PLB1: variants seen among roughly 807,000 people sequenced by gnomAD.
PLB1 encodes phospholipase B1, also known as phospholipase B1, membrane-associated.
A neutral mutation model predicts 227.4 loss-of-function variants in PLB1; 242 were observed. The observed-to-expected ratio is 1.06, with a 90% CI of 0.96 to 1.18. The LOEUF (loss-of-function observed/expected upper bound fraction) is 1.18, where lower values mean the gene tolerates loss of function less well. Ranked by LOEUF, PLB1 falls within the 50% of genes most tolerant of loss-of-function variation. PLB1 has a pLI of 0.00. For missense variants in PLB1, 1,858 were observed against 1,816.3 expected, an observed-to-expected ratio of 1.02 and a Z score of -0.42; for synonymous variants, 757 against 682.2, an observed-to-expected ratio of 1.11 and a Z score of -1.71.
intron 19 of PLB1, among the ~76,000 whole-genome samples, chr2:28,565,757 T>C (rs1676779063): frequency 6.6e-6 from 1 of 152,218 alleles, no homozygotes; most frequent in Non-Finnish European, 1.5e-5. Context: ...CTAACCTCTC[T>C]GAGCTTCTCT....
At chr2:28,636,039 G>GTGTA (rs1204881960) in intron 56 of PLB1, among the ~76,000 whole-genome samples, 2,175 of 91,328 alleles carry the variant, frequency 0.024, 41 homozygotes, top group African/African-American at 0.066. Flanking sequence ...ATGTGTGTGT[G>GTGTA]TGTATGTATG....
At chr2:28,540,142 A>C (rs1361434824) in intron 11 of PLB1, among the ~76,000 whole-genome samples, 2 of 128,006 alleles carry the variant, frequency 1.6e-5, no homozygotes, top group African/African-American at 3.0e-5. Context: ...TCCAATACCC[A>C]CCCCCCAGGA....
chr2:28,528,941 CTTTTT>C (rs201087238), intron 6 of PLB1, among the ~76,000 whole-genome samples: 28 of 109,432 alleles, frequency 2.6e-4, no homozygotes, highest in East Asian at 1.5e-3. Context: ...GGGAGTCAGT[CTTTTT>C]TTTTTTTTTT....
intron 9 of PLB1, among the ~76,000 whole-genome samples, chr2:28,532,536 A>C (rs144683494): frequency 0.014 from 2,132 of 152,324 alleles, 19 homozygotes; most frequent in South Asian, 0.024. Flanking sequence ...TACATATGAC[A>C]TGCATTCATA....
intron 21 of PLB1, among the ~76,000 whole-genome samples, chr2:28,577,625 G>C (rs549121265): frequency 6.6e-6 from 1 of 152,328 alleles, no homozygotes; most frequent in East Asian, 1.9e-4. Context: ...GATGGATCGT[G>C]AGGTCAGGAG....
chr2:28,619,322 G>A (rs1686657280), intron 46 of PLB1, among the ~76,000 whole-genome samples: 1 of 152,048 alleles, frequency 6.6e-6, no homozygotes, highest in Non-Finnish European at 1.5e-5. Context: ...TTTCCATTTT[G>A]GCATGAACAT....
At chr2:28,521,876 C>T (rs1035165175) in intron 4 of PLB1, among the ~76,000 whole-genome samples, 4 of 152,020 alleles carry the variant, frequency 2.6e-5, no homozygotes, top group Non-Finnish European at 5.9e-5. Context: ...CTTTCTCCCC[C>T]AGAGCCTCCC....
At chr2:28,514,479 A>G (rs149536817) in intron 1 of PLB1, among the ~76,000 whole-genome samples, 1 of 152,338 alleles carries the variant, frequency 6.6e-6, no homozygotes, top group East Asian at 1.9e-4. Context: ...AAAGGTTTCT[A>G]CGTCTTTTAA....
intron 20 of PLB1, among the ~76,000 whole-genome samples, chr2:28,568,932 TC>T: frequency 6.6e-6 from 1 of 152,230 alleles, no homozygotes; most frequent in South Asian, 2.1e-4. Flanking sequence ...TCCTTCTACC[TC>T]CTAGGGAAGC....
At position 28,513,772 on chromosome 2, in the gene PLB1, G is replaced by C. The variant is rs1020691184; in HGVS notation, c.56-3036G>C. On this transcript the variant is annotated intron_variant, in intron 1 of 57. Coordinates refer to ENST00000327757, the MANE Select transcript of PLB1 (RefSeq NM_153021.5). The stretch of plus-strand genomic sequence containing the variant: ...AGATTCCATTACAGTTTTAGGAAAA[G>C]ATGTGGGGCTCCACCTGTTGTCTTC... 1.7e-4 allele frequency among the ~76,000 whole-genome samples: 26 copies of C among 152,352 alleles called. 2 individuals carry two copies. The highest frequency in any genetic ancestry group is 2.0e-4 in the Admixed American group (3 of 15,302).
At chr2:28,568,572 AC>A (rs1677460966) in intron 20 of PLB1, among the ~76,000 whole-genome samples, 1 of 152,174 alleles carries the variant, frequency 6.6e-6, no homozygotes, top group Non-Finnish European at 1.5e-5. Flanking sequence ...TCCCCGTTCA[AC>A]CCCCTGTTCA....
At chr2:28,516,048 G>A (rs1003300403) in intron 1 of PLB1, among the ~76,000 whole-genome samples, 8 of 152,066 alleles carry the variant, frequency 5.3e-5, no homozygotes, top group African/African-American at 1.7e-4. Flanking sequence ...CATTGTGGGT[G>A]TTTTTTTCCG....
chr2:28,606,198 C>A (rs571193469), intron 42 of PLB1, among the ~76,000 whole-genome samples: 2 of 152,334 alleles, frequency 1.3e-5, no homozygotes, highest in East Asian at 3.9e-4. Context: ...ACCCCATATT[C>A]ATTCCACTTT....
chr2:28,550,796 T>A (rs1674123881), intron 16 of PLB1, among the ~76,000 whole-genome samples: 1 of 152,078 alleles, frequency 6.6e-6, no homozygotes, highest in Admixed American at 6.6e-5. Flanking sequence ...CAACTCAGCC[T>A]CCCAAAGTGC....
intron 43 of PLB1, among the ~76,000 whole-genome samples, chr2:28,612,169 G>T (rs1685547900): frequency 6.6e-6 from 1 of 152,058 alleles, no homozygotes; most frequent in South Asian, 2.1e-4. Context: ...AGAAAGAAAG[G>T]ATATCGGTTA....
At chr2:28,564,046 C>T (rs1341313927) in intron 18 of PLB1, among the ~76,000 whole-genome samples, 1 of 151,914 alleles carries the variant, frequency 6.6e-6, no homozygotes, top group Non-Finnish European at 1.5e-5. Flanking sequence ...TCAAGGTGAG[C>T]CTGGGCAATG....
intron 25 of PLB1, 192 bp from the exon 26 acceptor site, chr2:28,585,569 G>A (rs902831496): frequency 9.1e-6 from 5 of 551,734 alleles, no homozygotes; most frequent in Admixed American, 3.0e-5. Context: ...GAGCCACCGC[G>A]CCTGGCCTGG....
intron 20 of PLB1, among the ~76,000 whole-genome samples, chr2:28,570,193 T>C (rs1258499500): frequency 6.6e-6 from 1 of 151,922 alleles, no homozygotes; most frequent in Non-Finnish European, 1.5e-5. Flanking sequence ...TTTACCCTGA[T>C]AGCAAAATAA....
Position 28,626,474 on chromosome 2 carries a change from G to C in PLB1, c.3626G>C (p.Gly1209Ala), listed in dbSNP as rs1250996889. Reference protein sequence around the residue: ...KDWKLVTLFIGVNDLCHYCEN... With the variant: ...KDWKLVTLFIAVNDLCHYCEN... ...TGGAAGCTGGTCACACTCTTCATTG[G>C]GGTCAACGACTTGTGTCATTACTGT... The change falls in exon 51 of 58, where the codon GGG becomes GCG. Residue 1209 changes from glycine to alanine, a missense_variant. Gly to Ala is a moderately conservative substitution (Grantham distance 60, BLOSUM62 0). Coordinates refer to ENST00000327757, the MANE Select transcript of PLB1 (RefSeq NM_153021.5). The C allele has an allele frequency of 6.2e-7, 1 of 1,614,026 alleles. No individual in the cohort carries two copies. The highest frequency in any genetic ancestry group is 8.5e-7 in the Non-Finnish European group (1 of 1,180,026).
Sources: allele counts gnomAD v4.1 joint callset (sites outside exome capture counted in the v4.1 genomes callset), GRCh38; gene constraint gnomAD v4.1.1; transcripts MANE v1.5; gene names NCBI Gene and HGNC (gene_info 2026-07-23, HGNC 2026-07-21).